RXRA: variants seen among roughly 807,000 people sequenced by gnomAD.
RXRA encodes the protein retinoid X receptor alpha, also known as retinoic acid receptor RXR-alpha.
A neutral mutation model predicts 44.5 loss-of-function variants in RXRA; 5 were observed. The observed-to-expected ratio is 0.11, with a 90% CI of 0.06 to 0.24. The LOEUF (loss-of-function observed/expected upper bound fraction) is 0.24. RXRA is among the 10% of genes least tolerant of loss of function. The pLI, the probability that RXRA is intolerant of heterozygous loss-of-function variation, is 1.00. For synonymous variants in RXRA, 291 were observed against 271.4 expected, an observed-to-expected ratio of 1.07 and a Z score of -0.71; for missense variants, 412 against 646.5, an observed-to-expected ratio of 0.64 and a Z score of 3.93.
At chr9:134,409,356 G>A (rs1308996492) in intron 4 of RXRA, among the ~76,000 whole-genome samples, 1 of 152,300 alleles carries the variant, frequency 6.6e-6, no homozygotes, top group African/African-American at 2.4e-5. Context: ...TCCGGTGAGG[G>A]GATGGTCAAG....
intron 1 of RXRA, among the ~76,000 whole-genome samples, chr9:134,364,497 C>T (rs1301001940): frequency 6.6e-6 from 1 of 152,226 alleles, no homozygotes; most frequent in African/African-American, 2.4e-5. Flanking sequence ...TTGGATGCTC[C>T]CAGCAGCCAC....
rs1554748291 is a variant in RXRA at position 134,343,007 on chromosome 9, C to T, written c.28+16348C>T. ...GCAGCCTAGGCAGTGGGGGGACCTC[C>T]TTCTAGAGAGGCCCCAGCAGATTAT... On this transcript the variant is annotated intron_variant, in intron 1 of 9. Coordinates refer to ENST00000481739, the MANE Select transcript of RXRA (RefSeq NM_002957.6). The surrounding 1 kb of genome is among the most constrained non-coding windows in gnomAD (Gnocchi z 4.1). 6.6e-6 allele frequency among the ~76,000 whole-genome samples: 1 copy of T among 152,180 alleles called. No homozygotes were observed. Among genetic ancestry groups the T allele is most frequent in the Non-Finnish European group, 1.5e-5 (1 of 68,000 alleles).
intron 4 of RXRA, among the ~76,000 whole-genome samples, chr9:134,416,937 T>C (rs35520810): frequency 1.1e-3 from 172 of 152,130 alleles, no homozygotes; most frequent in African/African-American, 3.9e-3. Context: ...GGTGTGAACA[T>C]TGATTGGAAT....
At chr9:134,358,709 C>T (rs1200736265) in intron 1 of RXRA, among the ~76,000 whole-genome samples, 1 of 152,200 alleles carries the variant, frequency 6.6e-6, no homozygotes, top group Non-Finnish European at 1.5e-5. Context: ...TGGGCAGAGC[C>T]CCTGGACCCT....
At chr9:134,371,947 A>G (rs955827203) in intron 1 of RXRA, 1 of 152,246 alleles carries the variant, frequency 6.6e-6, no homozygotes, top group Admixed American at 6.5e-5. Context: ...GCATTTCCCA[A>G]CATCCTGCCA....
At chr9:134,421,218 G>A (rs182943861) in intron 5 of RXRA, among the ~76,000 whole-genome samples, 2 of 152,196 alleles carry the variant, frequency 1.3e-5, no homozygotes, top group Non-Finnish European at 2.9e-5. Flanking sequence ...CAGTCTTGCC[G>A]GGCTGACATC....
chr9:134,416,300 G>A (rs370479775), intron 4 of RXRA, among the ~76,000 whole-genome samples: 1 of 152,216 alleles, frequency 6.6e-6, no homozygotes, highest in Admixed American at 6.5e-5. Flanking sequence ...CAGGGCTCAT[G>A]CCTCAGGCCC....
intron 1 of RXRA, chr9:134,380,230 G>T: frequency 1.0e-6 from 1 of 973,600 alleles, no homozygotes; most frequent in South Asian, 4.7e-5. Context: ...CGTGAGTCAC[G>T]CCGATCCCAG....
At chr9:134,429,565 G>A (rs975309789) in intron 7 of RXRA, among the ~76,000 whole-genome samples, 2 of 152,248 alleles carry the variant, frequency 1.3e-5, no homozygotes, top group South Asian at 2.1e-4. Flanking sequence ...TTTTGTAAAA[G>A]TGTCAATTCC....
chr9:134,429,334 C>T, intron 7 of RXRA, 94 bp downstream of exon 7: 1 of 1,321,480 alleles, frequency 7.6e-7, no homozygotes, highest in Non-Finnish European at 1.1e-6. Flanking sequence ...GCACATCCTG[C>T]CTAGTATTAT....
chr9:134,424,708 G>T (rs1831404902), intron 6 of RXRA: 1 of 985,462 alleles, frequency 1.0e-6, no homozygotes, highest in Non-Finnish European at 1.2e-6. Flanking sequence ...AGCCTGCACT[G>T]GCCAGGTGGC....
chr9:134,391,259 G>C (rs905673680), intron 1 of RXRA, among the ~76,000 whole-genome samples: 1 of 152,168 alleles, frequency 6.6e-6, no homozygotes, highest in Non-Finnish European at 1.5e-5. Context: ...TCCACCACAG[G>C]TGGGACCTGA....
At chr9:134,334,363 A>G (rs778942417) in intron 1 of RXRA, among the ~76,000 whole-genome samples, 10 of 152,256 alleles carry the variant, frequency 6.6e-5, no homozygotes, top group Non-Finnish European at 1.3e-4. Flanking sequence ...GGGAGGATGT[A>G]TCTGGTACCT....
chr9:134,383,288 T>C (rs1045587586), intron 1 of RXRA, among the ~76,000 whole-genome samples: 3 of 151,996 alleles, frequency 2.0e-5, no homozygotes, highest in Non-Finnish European at 2.9e-5. Flanking sequence ...GAGGTGGGGC[T>C]GTCTTGTGTG....
At chr9:134,395,321 C>T (rs1291921790) in intron 1 of RXRA, among the ~76,000 whole-genome samples, 1 of 152,264 alleles carries the variant, frequency 6.6e-6, no homozygotes, top group South Asian at 2.1e-4. Flanking sequence ...GCTTCCTTCT[C>T]ACCCTTTCCC....
At chr9:134,373,733 C>G (rs1453703661) in intron 1 of RXRA, among the ~76,000 whole-genome samples, 1 of 152,262 alleles carries the variant, frequency 6.6e-6, no homozygotes, top group Admixed American at 6.5e-5. Flanking sequence ...TCTCCTCCAC[C>G]TTGCCACATT....
intron 1 of RXRA, among the ~76,000 whole-genome samples, chr9:134,400,685 G>T (rs1359115424): frequency 1.3e-5 from 2 of 152,356 alleles, no homozygotes; most frequent in African/African-American, 2.4e-5. Context: ...AGGGTGCGGG[G>T]CAGGGGGGCA....
intron 1 of RXRA, among the ~76,000 whole-genome samples, chr9:134,363,391 C>T (rs1830377332): frequency 6.6e-6 from 1 of 152,244 alleles, no homozygotes; most frequent in South Asian, 2.1e-4. Context: ...GGGAAGGCAT[C>T]CGTTTAGGGA....
intron 1 of RXRA, among the ~76,000 whole-genome samples, chr9:134,396,954 T>A (rs951710636): frequency 6.6e-6 from 1 of 152,198 alleles, no homozygotes; most frequent in East Asian, 1.9e-4. Flanking sequence ...AGGAGGGGGC[T>A]GGAGTCCTGA....
Sources: gnomAD v4.1 joint callset for allele counts (sites outside exome capture counted in the v4.1 genomes callset) on GRCh38, gnomAD v4.1.1 for gene constraint, Gnocchi (gnomAD v3.1) non-coding constraint, MANE v1.5 for transcripts, NCBI Gene and HGNC (gene_info 2026-07-23, HGNC 2026-07-21) for gene names.